The following TRPA1 variants were observed in gnomAD, a reference collection of about 807,000 sequenced individuals.
TRPA1 encodes transient receptor potential cation channel subfamily A member 1.
A neutral mutation model predicts 131.3 loss-of-function variants in TRPA1; 129 were observed. The ratio of observed to expected loss-of-function variants is 0.98; its 90% CI spans 0.85 to 1.14. The LOEUF (loss-of-function observed/expected upper bound fraction) is 1.14, where lower values mean the gene tolerates loss of function less well. Among genes scored for constraint, TRPA1 ranks in the 50% most tolerant of loss-of-function variants. The pLI is 0.00. For synonymous variants in TRPA1, 441 were observed against 451.7 expected (o/e 0.98, Z 0.30); for missense variants, 1,304 against 1,354.2 (o/e 0.96, Z 0.58).
intron 26 of TRPA1, chr8:72,023,385 C>G (rs1158178554): frequency 1.9e-6 from 1 of 525,134 alleles, no homozygotes; most frequent in Admixed American, 3.2e-5. Context: ...AGCAGATTGC[C>G]CAGGGTCACA....
rs1035919331 is a variant in TRPA1, at chr8:72,075,513, C to A, written c.-104G>T. ...TGCCAGGCGCTGGGGTCCGCGCGAG[C>A]CCGAGCTCTCCCGCGCTGCAGCTCA... is the stretch of plus-strand genomic sequence containing the variant. On this transcript the variant is annotated 5_prime_UTR_variant, in exon 1 of 27. Coordinates refer to ENST00000262209, the MANE Select transcript of TRPA1 (RefSeq NM_007332.3). 6 of 895,884 alleles carry A rather than the reference C, an allele frequency of 6.7e-6. No homozygotes were observed. The African/African-American group carries it at 9.7e-5, about 15-fold the overall frequency. 55.5% of individuals were successfully genotyped at this position (895,884 alleles called of 1,614,324 possible).
chr8:72,079,388 G>T (rs1169480680), upstream of TRPA1, among the ~76,000 whole-genome samples: 1 of 151,676 alleles, frequency 6.6e-6, no homozygotes, highest in Non-Finnish European at 1.5e-5. Context: ...TTTTTGTTCG[G>T]GTTGTGGGGT....
At chr8:72,044,348 T>C (rs192050945) in intron 17 of TRPA1, among the ~76,000 whole-genome samples, 3 of 152,020 alleles carry the variant, frequency 2.0e-5, no homozygotes, top group African/African-American at 7.2e-5. Flanking sequence ...TTTGTGAGAG[T>C]AATTCAGAAT....
At chr8:72,039,950 G>A (rs2044272) in intron 17 of TRPA1, among the ~76,000 whole-genome samples, 153 bp from the exon 18 acceptor site, 35,682 of 151,822 alleles carry the variant, frequency 0.24, 4,482 homozygotes, top group Middle Eastern at 0.45. Flanking sequence ...TTAGATCAAG[G>A]TTTTAAAAAA....
At chr8:72,085,006 T>C in the TRPA1 span, among the ~76,000 whole-genome samples, 5 of 152,270 alleles carry the variant, frequency 3.3e-5, no homozygotes, top group Non-Finnish European at 7.4e-5. Context: ...TGAAAAAGCA[T>C]GCTTTTAAAA....
the TRPA1 span, among the ~76,000 whole-genome samples, chr8:72,084,747 G>A: frequency 1.3e-5 from 2 of 148,564 alleles, no homozygotes; most frequent in Non-Finnish European, 3.0e-5. Flanking sequence ...TGCCTCCCTG[G>A]TTCAAGCAAT....
chr8:72,047,796 AT>A (rs1211377737), intron 15 of TRPA1, among the ~76,000 whole-genome samples: 1 of 152,148 alleles, frequency 6.6e-6, no homozygotes, highest in Non-Finnish European at 1.5e-5. Flanking sequence ...CTCATTATAT[AT>A]AGGCCAATAT....
chr8:72,064,175 G>A (rs560602627), intron 4 of TRPA1, among the ~76,000 whole-genome samples: 1 of 151,744 alleles, frequency 6.6e-6, no homozygotes, highest in South Asian at 2.1e-4. Flanking sequence ...GTAGAAAAGT[G>A]TGAAGAAGCC....
At chr8:72,084,594 CTTTA>C in the TRPA1 span, among the ~76,000 whole-genome samples, 2 of 146,084 alleles carry the variant, frequency 1.4e-5, no homozygotes, top group Admixed American at 6.8e-5. Flanking sequence ...AATTATCTTA[CTTTA>C]TTTATTTTGT....
At chr8:72,029,334 T>C (rs561835551) in intron 24 of TRPA1, among the ~76,000 whole-genome samples, 30 of 152,288 alleles carry the variant, frequency 2.0e-4, no homozygotes, top group African/African-American at 7.0e-4. Flanking sequence ...CATTTTAACA[T>C]AACAAAAGAT....
intron 9 of TRPA1, 86 bp downstream of exon 9, chr8:72,057,631 A>G (rs1378280920): frequency 4.9e-6 from 5 of 1,023,106 alleles, no homozygotes; most frequent in Admixed American, 1.7e-5. Context: ...GTGGCACACA[A>G]TGAATGTTCA....
At chr8:72,060,337 A>G (rs999384049) in intron 7 of TRPA1, 3 of 152,054 alleles carry the variant, frequency 2.0e-5, no homozygotes, top group Admixed American at 1.3e-4. Flanking sequence ...CCTGAGATTC[A>G]TCTTAAAGAT....
chr8:72,021,912 TAATAACAGACTCAAAAC>T lies in TRPA1; in HGVS notation c.*977_*993del. ...TATAGCATAATAACATCTGTGTAAATAATAACAGACTCAAAACAACACTGTACAACATAACACAAGGA... is the reference window on the plus strand; with the variant it reads ...TATAGCATAATAACATCTGTGTAAATAACACTGTACAACATAACACAAGGA... On this transcript the variant is annotated 3_prime_UTR_variant, in exon 27 of 27. Transcript: ENST00000262209. The T allele has an allele frequency of 6.6e-6, 1 of 152,168 alleles. No individual in the cohort carries two copies. Among genetic ancestry groups the T allele is most frequent in the African/African-American group, 2.4e-5 (1 of 41,528 alleles). 9.4% of individuals were successfully genotyped at this position (152,168 alleles called of 1,614,324 possible).
At chr8:72,068,930 G>T in intron 3 of TRPA1, 93 bp downstream of exon 3, 1 of 1,295,802 alleles carries the variant, frequency 7.7e-7, no homozygotes. Flanking sequence ...AAGCTTAGAA[G>T]GTGCTCATCC....
At chr8:72,058,087 C>T (rs912860471) in intron 8 of TRPA1, among the ~76,000 whole-genome samples, 31 of 152,142 alleles carry the variant, frequency 2.0e-4, no homozygotes, top group African/African-American at 7.5e-4. Context: ...CTTGTTACCG[C>T]TTGAACCATA....
chr8:72,050,349 T>C (rs959460653), intron 15 of TRPA1, among the ~76,000 whole-genome samples: 1 of 152,106 alleles, frequency 6.6e-6, no homozygotes. Flanking sequence ...AGGTACAAGA[T>C]CTCATTCTTA....
Position 72,071,701 on chromosome 8 carries a change from A to C in TRPA1, c.268+10T>G. 6.2e-7 allele frequency: 1 copy of C among 1,613,372 alleles called. No individual in the cohort carries two copies. The highest frequency in any genetic ancestry group is 8.5e-7 in the Non-Finnish European group (1 of 1,179,580). On this transcript the variant is annotated intron_variant, in intron 2 of 26. Coordinates refer to ENST00000262209, the MANE Select transcript of TRPA1 (RefSeq NM_007332.3). Reference sequence around the variant, plus strand: ...TGATTTCTGGAAGATGAATTGTAATATTTTGTTACCTTCCAAAGAGGAATC... The same window carrying C: ...TGATTTCTGGAAGATGAATTGTAATCTTTTGTTACCTTCCAAAGAGGAATC...
At position 72,046,556 on chromosome 8, in the gene TRPA1, GTT is replaced by G; in HGVS notation, c.2016_2017del (p.Lys672AsnfsTer9). 1 of 1,599,716 alleles carries G rather than the reference GTT, an allele frequency of 6.3e-7. No homozygotes were observed. Among genetic ancestry groups the G allele is most frequent in the Non-Finnish European group, 8.5e-7 (1 of 1,169,966 alleles). On this transcript the variant is annotated frameshift_variant, in exon 17 of 27. Transcript: ENST00000262209. LOFTEE classifies it high-confidence loss of function. Reference sequence around the variant, plus strand: ...TTCATATATAACATCCTGTGTAGGTGTTTTTTTGGTGAATTCTAATGGACATT... The same window carrying G: ...TTCATATATAACATCCTGTGTAGGTGTTTTTGGTGAATTCTAATGGACATT...
In TRPA1 at chr8:72,022,964, C is replaced by T; in HGVS notation, c.3302G>A (p.Ser1101Asn). ...FKKEQMEQRN[S>N]RWNTVLRAVK... is the part of the protein sequence containing the mutation. ...TGCTCTCAACACAGTATTCCATCTG[C>T]TATTCCTTTGTTCCATCTGCTCTTT... is the stretch of plus-strand genomic sequence containing the variant. Residue 1101 changes from serine to asparagine, a missense_variant, in exon 27 of 27, where the codon AGC becomes AAC. Ser to Asn is a conservative substitution (Grantham distance 46). Coordinates refer to ENST00000262209, the MANE Select transcript of TRPA1 (RefSeq NM_007332.3). The T allele has an allele frequency of 6.2e-7, 1 of 1,613,868 alleles. No individual in the cohort carries two copies. Among genetic ancestry groups the T allele is most frequent in the Non-Finnish European group, 8.5e-7 (1 of 1,179,860 alleles).
Sources: gnomAD v4.1 joint callset for allele counts (sites outside exome capture counted in the v4.1 genomes callset) on GRCh38, gnomAD v4.1.1 for gene constraint, MANE v1.5 for transcripts, NCBI Gene and HGNC (gene_info 2026-07-23, HGNC 2026-07-21) for gene names.